Variants in PDE1C observed in about 807,000 individuals in gnomAD.
PDE1C encodes the protein phosphodiesterase 1C.
PDE1C carries 62 observed loss-of-function variants against 93.1 expected under a neutral mutation model. That is an observed-to-expected ratio of 0.67 (90% CI 0.54 to 0.82). The LOEUF (loss-of-function observed/expected upper bound fraction) is 0.82. Among genes scored for constraint, PDE1C ranks in the 40% least tolerant of loss-of-function variants. PDE1C has a pLI of 0.00. For synonymous variants in PDE1C, 325 were observed against 310.1 expected, an observed-to-expected ratio of 1.05 and a Z score of -0.50; for missense variants, 742 against 884.6, an observed-to-expected ratio of 0.84 and a Z score of 2.04.
chr7:31,725,188 G>C, the PDE1C span, among the ~76,000 whole-genome samples: 2 of 152,020 alleles, frequency 1.3e-5, no homozygotes, highest in Non-Finnish European at 2.9e-5. Context: ...CATCTCTCCA[G>C]GACCACAGGG....
At chr7:31,979,219 T>C (rs572847803) in intron 2 of PDE1C, among the ~76,000 whole-genome samples, 27 of 152,262 alleles carry the variant, frequency 1.8e-4, no homozygotes, top group Non-Finnish European at 3.7e-4. Flanking sequence ...GCAGTATAGA[T>C]TGACAATTAA....
At position 32,086,934 on chromosome 7, in the gene PDE1C, A is replaced by G. The variant is rs565100818; in HGVS notation, c.308+82851T>C. 4.0e-5 allele frequency among the ~76,000 whole-genome samples: 6 copies of G among 151,456 alleles called. 1 individual carries two copies. In the South Asian group the frequency reaches 1.3e-3, roughly 32 times the overall value. ...AAACCTAGCCATTACCATTCAGGAC[A>G]TAGGCATGGGCAAGGACTTCATGTC... is the stretch of plus-strand genomic sequence containing the variant. On this transcript the variant is annotated intron_variant, in intron 3 of 18. Coordinates refer to the PDE1C transcript ENST00000396193.
At chr7:31,718,102 C>T in the PDE1C span, among the ~76,000 whole-genome samples, 2 of 152,146 alleles carry the variant, frequency 1.3e-5, no homozygotes, top group African/African-American at 4.8e-5. Flanking sequence ...CAGCCCTGGA[C>T]TGAAAGTATA....
intron 2 of PDE1C, among the ~76,000 whole-genome samples, chr7:32,045,320 C>G (rs1792398629): frequency 1.3e-5 from 2 of 152,054 alleles, no homozygotes; most frequent in Admixed American, 6.5e-5. Context: ...GACTGGGGCT[C>G]TAACCAGACC....
intron 2 of PDE1C, among the ~76,000 whole-genome samples, chr7:32,203,238 T>C (rs898425517): frequency 6.6e-6 from 1 of 151,938 alleles, no homozygotes; most frequent in Non-Finnish European, 1.5e-5. Context: ...TTCTTCTTTT[T>C]GTCTTCATCC....
chr7:32,207,631 C>T (rs985836624), intron 2 of PDE1C, among the ~76,000 whole-genome samples: 5 of 151,778 alleles, frequency 3.3e-5, no homozygotes, highest in African/African-American at 7.3e-5. Context: ...CTTTTTTTTC[C>T]CTGTATCAGT....
At chr7:31,961,056 T>C (rs977308769) in intron 2 of PDE1C, among the ~76,000 whole-genome samples, 7 of 152,122 alleles carry the variant, frequency 4.6e-5, no homozygotes, top group Non-Finnish European at 8.8e-5. Flanking sequence ...AAGTGTCACT[T>C]TCTGTTTGAT....
intron 2 of PDE1C, among the ~76,000 whole-genome samples, chr7:32,002,358 A>G (rs1785580873): frequency 6.6e-6 from 1 of 152,174 alleles, no homozygotes; most frequent in African/African-American, 2.4e-5. Flanking sequence ...AGGAGGCACC[A>G]TGGAGCTGGC....
At chr7:31,927,058 G>A (rs1803486317) in intron 2 of PDE1C, among the ~76,000 whole-genome samples, 1 of 152,228 alleles carries the variant, frequency 6.6e-6, no homozygotes, top group African/African-American at 2.4e-5. Flanking sequence ...CTAAGAACCA[G>A]TGGCTTGAAA....
intron 1 of PDE1C, among the ~76,000 whole-genome samples, chr7:32,057,724 G>C (rs746263218): frequency 6.6e-6 from 1 of 152,124 alleles, no homozygotes; most frequent in Non-Finnish European, 1.5e-5. Context: ...GGCAAACAGC[G>C]AGAAACAACA....
intron 3 of PDE1C, among the ~76,000 whole-genome samples, chr7:32,121,419 A>C (rs1799293574): frequency 6.6e-6 from 1 of 152,060 alleles, no homozygotes; most frequent in South Asian, 2.1e-4. Flanking sequence ...ACCCCAAGAC[A>C]CATAATCGTC....
At chr7:32,223,332 TCTTTGTAACAGGG>T (rs2128855960) in intron 1 of PDE1C, among the ~76,000 whole-genome samples, 1 of 152,310 alleles carries the variant, frequency 6.6e-6, no homozygotes, top group South Asian at 2.1e-4. Flanking sequence ...ACTCATGCAG[TCTTTGTAACAGGG>T]CTTTGTAACG....
chr7:32,299,261 A>T (rs1438492030), exon 1 of PDE1C: 1 of 987,190 alleles, frequency 1.0e-6, no homozygotes, highest in Non-Finnish European at 1.2e-6. Context: ...CAGAAAGCAC[A>T]TCAACAGATG....
chr7:32,139,793 T>C (rs1443081900), intron 3 of PDE1C, among the ~76,000 whole-genome samples: 2 of 152,078 alleles, frequency 1.3e-5, no homozygotes, highest in Non-Finnish European at 2.9e-5. Context: ...TGAAAATAGG[T>C]TCCTCCTCCT....
chr7:31,656,672 G>A, the PDE1C span, among the ~76,000 whole-genome samples: 5 of 152,170 alleles, frequency 3.3e-5, no homozygotes, highest in Non-Finnish European at 7.4e-5. Context: ...GTTGTAGAAG[G>A]AACTGAGTTT....
intron 17 of PDE1C, among the ~76,000 whole-genome samples, chr7:31,764,672 T>C (rs1795032737): frequency 6.6e-6 from 1 of 152,234 alleles, no homozygotes. Flanking sequence ...AAGCCATTCC[T>C]GAGCCAGTGA....
chr7:32,315,803 C>G (rs765183628), intron 1 of PDE1C, among the ~76,000 whole-genome samples: 1 of 152,098 alleles, frequency 6.6e-6, no homozygotes, highest in Middle Eastern at 3.2e-3. Context: ...CGAGACCAGC[C>G]TAACCAACAT....
At chr7:31,973,639 T>C (rs755901160) in intron 2 of PDE1C, among the ~76,000 whole-genome samples, 20 of 152,312 alleles carry the variant, frequency 1.3e-4, no homozygotes, top group South Asian at 4.1e-4. Context: ...GAAGTAGTTA[T>C]TATTATTCTT....
intron 2 of PDE1C, among the ~76,000 whole-genome samples, chr7:31,981,624 C>G (rs181096396): frequency 1.3e-5 from 2 of 152,278 alleles, no homozygotes; most frequent in East Asian, 3.9e-4. Context: ...AATCTTGTCA[C>G]TGCTTTAGCT....
Sources: gnomAD v4.1 joint callset for allele counts (sites outside exome capture counted in the v4.1 genomes callset) on GRCh38, gnomAD v4.1.1 for gene constraint, MANE v1.5 for transcripts, NCBI Gene and HGNC (gene_info 2026-07-23, HGNC 2026-07-21) for gene names.